Variants in UTRN observed in about 807,000 individuals in gnomAD.
UTRN encodes utrophin, also known as dystrophin-related protein 1.
In UTRN, 283 loss-of-function variants were observed where a neutral mutation model predicts 463.9. The ratio of observed to expected loss-of-function variants is 0.61; its 90% CI spans 0.55 to 0.67. The LOEUF is 0.67. UTRN is among the 30% of genes least tolerant of loss of function. The pLI is 0.00. For synonymous variants in UTRN, 1,442 were observed against 1,431.5 expected, an observed-to-expected ratio of 1.01 and a Z score of -0.17; for missense variants, 3,922 against 4,084.3, an observed-to-expected ratio of 0.96 and a Z score of 1.08.
intron 53 of UTRN, 107 bp downstream of exon 53, chr6:144,700,350 T>TCC (rs368779843): frequency 2.1e-4 from 256 of 1,226,152 alleles, no homozygotes; most frequent in Non-Finnish European, 2.4e-4. Context: ...ATCACAGGAT[T>TCC]CCCCCCCCCA....
Position 144,625,279 on chromosome 6 carries a change from T to A in UTRN, c.7479+47991T>A, listed in dbSNP as rs1775832883. Among the ~76,000 whole-genome samples, 3 of 152,250 alleles carry A rather than the reference T, an allele frequency of 2.0e-5. No individual in the cohort carries two copies. The East Asian group carries it at 5.8e-4, about 29-fold the overall frequency. ...AGAATCAGTTTCTTGTTAAAATAACTGTCTTTTGCCTTCATCAATATTTTA... is the reference window on the plus strand; with the variant it reads ...AGAATCAGTTTCTTGTTAAAATAACAGTCTTTTGCCTTCATCAATATTTTA... On this transcript the variant is annotated intron_variant, in intron 51 of 74. Coordinates refer to ENST00000367545, the MANE Select transcript of UTRN (RefSeq NM_007124.3).
intron 51 of UTRN, among the ~76,000 whole-genome samples, chr6:144,613,870 A>G (rs932564432): frequency 6.6e-6 from 1 of 152,130 alleles, no homozygotes; most frequent in Admixed American, 6.6e-5. Context: ...AAATATATAT[A>G]CACGCATTAA....
chr6:144,411,239 G>T (rs1284670945), intron 3 of UTRN, among the ~76,000 whole-genome samples: 1 of 152,098 alleles, frequency 6.6e-6, no homozygotes, highest in East Asian at 1.9e-4. Context: ...TTGATTTTTT[G>T]ATTACAGCCA....
intron 58 of UTRN, among the ~76,000 whole-genome samples, chr6:144,764,193 CT>C (rs1793014829): frequency 6.6e-6 from 1 of 152,140 alleles, no homozygotes; most frequent in South Asian, 2.1e-4. Flanking sequence ...CACTAAACCC[CT>C]GGGCTTGGAG....
At chr6:144,670,241 C>T (rs1280661486) in intron 51 of UTRN, among the ~76,000 whole-genome samples, 1 of 152,170 alleles carries the variant, frequency 6.6e-6, no homozygotes, top group Non-Finnish European at 1.5e-5. Context: ...TTTATGCTCC[C>T]ATGAGCAGCG....
At chr6:144,666,976 A>G (rs1437464366) in intron 51 of UTRN, among the ~76,000 whole-genome samples, 1 of 152,152 alleles carries the variant, frequency 6.6e-6, no homozygotes, top group Admixed American at 6.5e-5. Flanking sequence ...TGTGAAACTT[A>G]GAAAACTATG....
chr6:144,483,502 G>A (rs548274716), intron 27 of UTRN, among the ~76,000 whole-genome samples: 2 of 152,304 alleles, frequency 1.3e-5, no homozygotes, highest in East Asian at 3.9e-4. Flanking sequence ...GAGTGCAGTG[G>A]TATGATCACA....
Position 144,443,158 on chromosome 6 carries a change from A to G in UTRN, c.1513-1123A>G, listed in dbSNP as rs540681328. Among the ~76,000 whole-genome samples the G allele has an allele frequency of 2.0e-5, 3 of 152,324 alleles. No individual in the cohort carries two copies. The South Asian group carries it at 6.2e-4, about 32-fold the overall frequency. ...GGTATTTCATTTGAACAATACTTGGATTTTCTGGTAAGACGTTGCCAATTT... is the reference window on the plus strand; with the variant it reads ...GGTATTTCATTTGAACAATACTTGGGTTTTCTGGTAAGACGTTGCCAATTT... On this transcript the variant is annotated intron_variant, in intron 13 of 74. Coordinates refer to ENST00000367545, the MANE Select transcript of UTRN (RefSeq NM_007124.3).
intron 50 of UTRN, among the ~76,000 whole-genome samples, chr6:144,559,289 T>G (rs896298527): frequency 6.6e-6 from 1 of 152,130 alleles, no homozygotes; most frequent in Non-Finnish European, 1.5e-5. Context: ...CTTATTGTGT[T>G]TTCTCTCTGC....
At position 144,648,555 on chromosome 6, in the gene UTRN, C is replaced by T. The variant is rs558284834; in HGVS notation, c.7480-29851C>T. Among the ~76,000 whole-genome samples, 15 of 152,272 alleles carry T rather than the reference C, an allele frequency of 9.9e-5. No individual in the cohort carries two copies. In the South Asian group the frequency reaches 2.7e-3, roughly 27 times the overall value. On this transcript the variant is annotated intron_variant, in intron 51 of 74. Coordinates refer to ENST00000367545, the MANE Select transcript of UTRN (RefSeq NM_007124.3). ...GACTAAAAAAATACAATCAAATTAA[C>T]GTTTTCTATCATGAAGTTAAGCTTG...
intron 59 of UTRN, 152 bp from the exon 60 acceptor site, chr6:144,774,138 C>T: frequency 1.4e-6 from 1 of 725,026 alleles, no homozygotes. Context: ...TAACTTTTTT[C>T]TTAAATACGT....
intron 52 of UTRN, among the ~76,000 whole-genome samples, chr6:144,690,236 T>C (rs948098037): frequency 2.6e-4 from 39 of 150,658 alleles, no homozygotes; most frequent in African/African-American, 9.0e-4. Context: ...CCTAGTGGGA[T>C]TGGAGGACAG....
intron 74 of UTRN, among the ~76,000 whole-genome samples, chr6:144,848,886 C>T (rs769904988): frequency 9.2e-5 from 14 of 151,952 alleles, no homozygotes; most frequent in Non-Finnish European, 1.9e-4. Context: ...ATAATGGAGT[C>T]ATATAGTCTG....
In UTRN at chr6:144,548,668, A is replaced by G. The variant is rs749817831; in HGVS notation, c.6624A>G (p.Leu2208=). ...AAHPNVQKVV[L]VSSASDIPVQ... ...ATCCTAATGTCCAAAAGGTGGTGCTAGTATCATCTGCGTCAGATATTCCTG... is the reference window on the plus strand; with the variant it reads ...ATCCTAATGTCCAAAAGGTGGTGCTGGTATCATCTGCGTCAGATATTCCTG... The change falls in exon 47 of 75, where the codon CTA becomes CTG. Residue 2208 remains leucine (L), a synonymous_variant. Coordinates refer to ENST00000367545, the MANE Select transcript of UTRN (RefSeq NM_007124.3). The G allele has an allele frequency of 4.3e-6, 7 of 1,613,984 alleles. No homozygotes were observed. The East Asian group carries it at 6.7e-5, about 15-fold the overall frequency.
At chr6:144,523,376 C>T (rs1338860470) in intron 41 of UTRN, among the ~76,000 whole-genome samples, 188 bp downstream of exon 41, 1 of 152,104 alleles carries the variant, frequency 6.6e-6, no homozygotes, top group African/African-American at 2.4e-5. Context: ...GTGGCATGAT[C>T]TCAGCTCACT....
intron 51 of UTRN, among the ~76,000 whole-genome samples, chr6:144,654,923 A>G (rs1376488854): frequency 8.5e-6 from 1 of 117,794 alleles, no homozygotes; most frequent in Admixed American, 9.5e-5. Flanking sequence ...CCACCCACCC[A>G]TTTTCCTGAA....
At position 144,724,687 on chromosome 6, in the gene UTRN, A is replaced by G. The variant is rs539010894; in HGVS notation, c.7810-5670A>G. On this transcript the variant is annotated intron_variant, in intron 53 of 74. Coordinates refer to ENST00000367545, the MANE Select transcript of UTRN (RefSeq NM_007124.3). Reference sequence around the variant, plus strand: ...ACATTGCATGGTAATGGAATCTTACACTATGCCCTTTCATGTCTAGCTTCT... The same window carrying G: ...ACATTGCATGGTAATGGAATCTTACGCTATGCCCTTTCATGTCTAGCTTCT... 3.3e-5 allele frequency among the ~76,000 whole-genome samples: 5 copies of G among 152,246 alleles called. No individual in the cohort carries two copies. The South Asian group carries it at 8.3e-4, about 25-fold the overall frequency.
intron 19 of UTRN, among the ~76,000 whole-genome samples, chr6:144,455,014 C>G (rs1423356016): frequency 6.6e-6 from 1 of 151,962 alleles, no homozygotes; most frequent in Non-Finnish European, 1.5e-5. Flanking sequence ...TGCCTCCAGC[C>G]TTTAACAAAT....
At chr6:144,449,893 T>C (rs1217040454) in intron 17 of UTRN, among the ~76,000 whole-genome samples, 3 of 152,322 alleles carry the variant, frequency 2.0e-5, no homozygotes, top group East Asian at 3.9e-4. Flanking sequence ...GTGAGCTCAG[T>C]ACCTTCATCT....
Sources: gnomAD v4.1 joint callset for allele counts (sites outside exome capture counted in the v4.1 genomes callset) on GRCh38, gnomAD v4.1.1 for gene constraint, MANE v1.5 for transcripts, NCBI Gene and HGNC (gene_info 2026-07-23, HGNC 2026-07-21) for gene names.